AGPS: variants seen among roughly 807,000 people sequenced by gnomAD.
AGPS encodes the protein alkylglycerone phosphate synthase.
In AGPS, 26 loss-of-function variants were observed where a neutral mutation model predicts 90.7. The ratio of observed to expected loss-of-function variants is 0.29; its 90% CI spans 0.21 to 0.40. The LOEUF is 0.40. Ranked by LOEUF, AGPS falls within the 10% of genes least tolerant of loss-of-function variation. AGPS has a pLI of 1.00. For missense variants in AGPS, 540 were observed against 816.1 expected, an observed-to-expected ratio of 0.66 and a Z score of 4.12; for synonymous variants, 294 against 285.3, an observed-to-expected ratio of 1.03 and a Z score of -0.31.
intron 1 of AGPS, among the ~76,000 whole-genome samples, chr2:177,401,670 A>G (rs916927136): frequency 3.3e-5 from 5 of 151,738 alleles, no homozygotes; most frequent in African/African-American, 1.2e-4. Flanking sequence ...TCAGCCTCTC[A>G]TGTAGCTGGG....
intron 16 of AGPS, among the ~76,000 whole-genome samples, chr2:177,510,459 CG>C (rs1039129261): frequency 1.7e-4 from 26 of 152,160 alleles, no homozygotes; most frequent in Admixed American, 1.6e-3. Context: ...TCCAAATCAC[CG>C]GGACAGTGGA....
intron 19 of AGPS, among the ~76,000 whole-genome samples, chr2:177,524,676 C>A (rs1210794305): frequency 6.6e-6 from 1 of 151,976 alleles, no homozygotes; most frequent in Non-Finnish European, 1.5e-5. Flanking sequence ...TTATTATTAT[C>A]TAATATGCTG....
intron 19 of AGPS, among the ~76,000 whole-genome samples, chr2:177,525,799 A>G (rs2079081426): frequency 6.6e-6 from 1 of 152,210 alleles, no homozygotes; most frequent in Non-Finnish European, 1.5e-5. Context: ...TTCCTCGGCC[A>G]GTGACTCTGC....
intron 10 of AGPS, among the ~76,000 whole-genome samples, chr2:177,474,130 A>C (rs1687706782): frequency 6.6e-6 from 1 of 152,220 alleles, no homozygotes; most frequent in African/African-American, 2.4e-5. Flanking sequence ...CATTTATAAA[A>C]TTTGGATATG....
intron 17 of AGPS, among the ~76,000 whole-genome samples, chr2:177,521,058 T>C (rs929033340): frequency 1.3e-5 from 2 of 152,200 alleles, no homozygotes; most frequent in African/African-American, 4.8e-5. Context: ...AAGGTAAAAT[T>C]CTTGTTTTGC....
rs576763157 is a variant in AGPS, at chr2:177,524,920, A to C, written c.1855+1115A>C. Reference sequence around the variant, plus strand: ...ACAGCAAGGTCTGGAAAAGATTGCTAATGTTGATGAATAAAGTAGCTCCCA... The same window carrying C: ...ACAGCAAGGTCTGGAAAAGATTGCTCATGTTGATGAATAAAGTAGCTCCCA... On this transcript the variant is annotated intron_variant, in intron 19 of 19. Coordinates refer to ENST00000264167, the MANE Select transcript of AGPS (RefSeq NM_003659.4). Among the ~76,000 whole-genome samples the C allele has an allele frequency of 6.7e-4, 102 of 152,306 alleles. 2 individuals are homozygous for C. In the South Asian group the frequency reaches 0.02, roughly 30 times the overall value.
intron 11 of AGPS, among the ~76,000 whole-genome samples, chr2:177,490,862 T>TG (rs201613973): frequency 0.017 from 2,486 of 146,524 alleles, 94 homozygotes; most frequent in African/African-American, 0.057. Context: ...TTTTTTTTTT[T>TG]TTTTTTTTTA....
At chr2:177,444,277 C>G (rs1379003160) in intron 7 of AGPS, among the ~76,000 whole-genome samples, 2 of 151,760 alleles carry the variant, frequency 1.3e-5, no homozygotes, top group Admixed American at 6.6e-5. Context: ...AAAAATTAGC[C>G]ATGTGTGGTG....
At chr2:177,457,042 T>A (rs139490697) in intron 8 of AGPS, among the ~76,000 whole-genome samples, 4 of 152,094 alleles carry the variant, frequency 2.6e-5, no homozygotes, top group African/African-American at 7.2e-5. Context: ...AGAAACTCAC[T>A]CAAAACCGCA....
At chr2:177,470,898 A>G (rs908778651) in intron 10 of AGPS, among the ~76,000 whole-genome samples, 2 of 152,060 alleles carry the variant, frequency 1.3e-5, no homozygotes, top group African/African-American at 4.8e-5. Flanking sequence ...ATGACTTTGT[A>G]TAAGTTAGAT....
Position 177,420,367 on chromosome 2 carries a change from G to T in AGPS, c.350+9G>T. On this transcript the variant is annotated intron_variant, in intron 2 of 19. Transcript: ENST00000264167. ...GAATTGACTGGGAAAAGGTAACCCT[G>T]GTTTATTTCTTCTTTTGTTCCTCCT... 1.9e-6 allele frequency: 3 copies of T among 1,580,902 alleles called. No individual in the cohort carries two copies. The highest frequency in any genetic ancestry group is 2.6e-6 in the Non-Finnish European group (3 of 1,150,904).
chr2:177,502,833 A>G (rs1250615740), intron 14 of AGPS, among the ~76,000 whole-genome samples: 1 of 151,692 alleles, frequency 6.6e-6, no homozygotes, highest in Non-Finnish European at 1.5e-5. Context: ...TGTTCTAATC[A>G]CTGAAGATTC....
At position 177,539,098 on chromosome 2, in the gene AGPS, G is replaced by T. The variant is rs916560285; in HGVS notation, c.*903G>T. The T allele has an allele frequency of 6.6e-6, 1 of 151,974 alleles. No homozygotes were observed. The highest frequency in any genetic ancestry group is 2.4e-5 in the African/African-American group (1 of 41,390). 9.4% of individuals were successfully genotyped at this position (151,974 alleles called of 1,614,324 possible). A position where few individuals can be genotyped will look rare whatever the true frequency, so the allele number is the denominator to read the frequency against. ...TTAGACTTAATGTCTCCAATTGCAA[G>T]AATTGTTTCACTAAAGAAACAGTCA... On this transcript the variant is annotated 3_prime_UTR_variant, in exon 20 of 20. Coordinates refer to ENST00000264167, the MANE Select transcript of AGPS (RefSeq NM_003659.4).
intron 1 of AGPS, chr2:177,393,517 T>C (rs746053072): frequency 3.0e-6 from 3 of 985,252 alleles, no homozygotes; most frequent in Non-Finnish European, 3.6e-6. Flanking sequence ...TGGAAAAAGG[T>C]GCTGACTGGT....
chr2:177,467,895 A>G (rs993611639), intron 9 of AGPS, among the ~76,000 whole-genome samples: 4 of 152,090 alleles, frequency 2.6e-5, no homozygotes, highest in African/African-American at 9.7e-5. Context: ...AAGTTCAGTC[A>G]TTGTTTCTAC....
intron 16 of AGPS, among the ~76,000 whole-genome samples, chr2:177,510,654 T>C (rs1234994391): frequency 1.3e-5 from 2 of 152,234 alleles, no homozygotes; most frequent in African/African-American, 4.8e-5. Context: ...ATTTCTGTTT[T>C]ATGCAGTTAC....
At chr2:177,425,181 A>ATTT (rs1439350024) in intron 2 of AGPS, among the ~76,000 whole-genome samples, 34 of 151,806 alleles carry the variant, frequency 2.2e-4, no homozygotes, top group African/African-American at 8.0e-4. Context: ...TATTGCCTAG[A>ATTT]TTTTTTTCTG....
intron 9 of AGPS, among the ~76,000 whole-genome samples, chr2:177,466,057 C>T (rs904762680): frequency 2.0e-5 from 3 of 152,122 alleles, no homozygotes; most frequent in East Asian, 1.9e-4. Context: ...AGCTCCTTTC[C>T]GCAGGTAGGC....
chr2:177,521,061 T>C (rs1302195245), intron 17 of AGPS, among the ~76,000 whole-genome samples: 2 of 152,242 alleles, frequency 1.3e-5, no homozygotes, highest in Admixed American at 1.3e-4. Context: ...GTAAAATTCT[T>C]GTTTTGCACT....
Sources: allele counts gnomAD v4.1 joint callset (sites outside exome capture counted in the v4.1 genomes callset), GRCh38; gene constraint gnomAD v4.1.1; transcripts MANE v1.5; gene names NCBI Gene and HGNC (gene_info 2026-07-23, HGNC 2026-07-21).